KCNQ1: variants seen among roughly 807,000 people sequenced by gnomAD.
KCNQ1 encodes the protein potassium voltage-gated channel subfamily KQT member 1.
Under a neutral mutation model 72.4 loss-of-function variants are expected in KCNQ1, and 49 were observed. That is an observed-to-expected ratio of 0.68 (90% CI 0.54 to 0.86). The LOEUF is 0.86. Ranked by LOEUF, KCNQ1 falls within the 40% of genes least tolerant of loss-of-function variation. KCNQ1 has a pLI of 0.00. For synonymous variants in KCNQ1, 450 were observed against 412.6 expected (o/e 1.09, Z -1.10); for missense variants, 790 against 945.1 (o/e 0.84, Z 2.15).
rs1364891793 is a variant in KCNQ1 at position 2,772,266 on chromosome 11, G to T, written c.1590+3347G>T. ...ACCCCCGCTGGCCTCAGGGGCTGCT[G>T]ACATGGCAGGTGACCCCTCTGCCTA... On this transcript the variant is annotated intron_variant, in intron 12 of 15. Coordinates refer to ENST00000155840, the MANE Select transcript of KCNQ1 (RefSeq NM_000218.3). The surrounding 1 kb of genome is among the most constrained non-coding windows in gnomAD (Gnocchi z 6.6). Among the ~76,000 whole-genome samples the T allele has an allele frequency of 7.9e-5, 12 of 152,094 alleles. No individual in the cohort carries two copies. The highest frequency in any genetic ancestry group is 1.8e-4 in the Non-Finnish European group (12 of 67,994).
In KCNQ1 at chr11:2,683,044, T is replaced by C. The variant is rs1850424815; in HGVS notation, c.1514+20963T>C. ...CCTGAGAGAGGTGACCTTCTCCCAC[T>C]TCTTACAGGCAAGGCTCTTGCTAGC... On this transcript the variant is annotated intron_variant, in intron 11 of 15. Transcript: ENST00000155840. The surrounding 1 kb of genome is among the most constrained non-coding windows in gnomAD (Gnocchi z 4.7). The C allele has an allele frequency of 2.5e-6, 1 of 398,594 alleles. No individual in the cohort carries two copies. The highest frequency in any genetic ancestry group is 4.4e-6 in the Non-Finnish European group (1 of 226,130). 24.7% of individuals were successfully genotyped at this position (398,594 alleles called of 1,614,324 possible).
chr11:2,750,059 C>G lies in KCNQ1; in HGVS notation c.1515-18785C>G, dbSNP rs1846203915. On this transcript the variant is annotated intron_variant, in intron 11 of 15. Transcript: ENST00000155840. This position sits in a 1 kb window ranked among gnomAD's most constrained non-coding sequence, Gnocchi z 6.3. The stretch of plus-strand genomic sequence containing the variant: ...GGTGAGAGGGAGGGAGTGGGAACAG[C>G]CAAGAGGCCAGGAAGCGGAGCCTGG... Among the ~76,000 whole-genome samples the G allele has an allele frequency of 6.6e-6, 1 of 152,182 alleles. No individual in the cohort carries two copies. Among genetic ancestry groups the G allele is most frequent in the South Asian group, 2.1e-4 (1 of 4,812 alleles).
At chr11:2,751,061 G>A (rs1282236676) in intron 11 of KCNQ1, among the ~76,000 whole-genome samples, 1 of 152,146 alleles carries the variant, frequency 6.6e-6, no homozygotes, top group East Asian at 1.9e-4. Context: ...AGACCTGTAG[G>A]CCCTCTGCCC....
chr11:2,666,409 C>T, intron 11 of KCNQ1: 1 of 398,692 alleles, frequency 2.5e-6, no homozygotes, highest in Non-Finnish European at 4.4e-6. Context: ...GCAAAAACAG[C>T]CCCGTGTGCG....
rs1227670422 is a variant in KCNQ1, at chr11:2,826,920, GT to G, written c.1795-20846del. 6.6e-6 allele frequency among the ~76,000 whole-genome samples: 1 copy of G among 152,248 alleles called. No individual in the cohort carries two copies. Among genetic ancestry groups the G allele is most frequent in the Non-Finnish European group, 1.5e-5 (1 of 68,032 alleles). On this transcript the variant is annotated intron_variant, in intron 15 of 15. Transcript: ENST00000155840. The surrounding 1 kb of genome is among the most constrained non-coding windows in gnomAD (Gnocchi z 4.2). Reference sequence around the variant, plus strand: ...GACAGGGAGGAAGAAAGCCAGGCAGGTGGCCCATGAGCCGTGGAGTAGGTGG... The same window carrying G: ...GACAGGGAGGAAGAAAGCCAGGCAGGGGCCCATGAGCCGTGGAGTAGGTGG...
intron 11 of KCNQ1, chr11:2,686,137 T>G: frequency 2.5e-6 from 1 of 398,806 alleles, no homozygotes; most frequent in Non-Finnish European, 4.4e-6. Flanking sequence ...CTCGCCCCCT[T>G]GCTTCTGGGG....
Position 2,824,904 on chromosome 11 carries a change from A to C in KCNQ1, c.1795-22863A>C, listed in dbSNP as rs1363288872. Among the ~76,000 whole-genome samples, 1 of 152,214 alleles carries C rather than the reference A, an allele frequency of 6.6e-6. No homozygotes were observed. Among genetic ancestry groups the C allele is most frequent in the Non-Finnish European group, 1.5e-5 (1 of 68,040 alleles). On this transcript the variant is annotated intron_variant, in intron 15 of 15. Coordinates refer to ENST00000155840, the MANE Select transcript of KCNQ1 (RefSeq NM_000218.3). This position sits in a 1 kb window ranked among gnomAD's most constrained non-coding sequence, Gnocchi z 5.9. Reference sequence around the variant, plus strand: ...ACACGAGTTCCCCTGCCGGGCACAGAGCAGGTTCCCAGTGAGTTCTGGGGC... The same window carrying C: ...ACACGAGTTCCCCTGCCGGGCACAGCGCAGGTTCCCAGTGAGTTCTGGGGC...
intron 15 of KCNQ1, among the ~76,000 whole-genome samples, chr11:2,806,377 G>C (rs999429662): frequency 6.6e-6 from 1 of 152,206 alleles, no homozygotes; most frequent in South Asian, 2.1e-4. Flanking sequence ...TAGCCCCTCC[G>C]TAATTTGTCT....
In KCNQ1 at chr11:2,673,811, T is replaced by C. The variant is rs536721211; in HGVS notation, c.1514+11730T>C. On this transcript the variant is annotated intron_variant, in intron 11 of 15. Coordinates refer to ENST00000155840, the MANE Select transcript of KCNQ1 (RefSeq NM_000218.3). This position sits in a 1 kb window ranked among gnomAD's most constrained non-coding sequence, Gnocchi z 4.5. ...GCAAAGGGCAGTGATGGCCCTTCAA[T>C]CCCAGGCCCACAAGCACCACAGCCA... The C allele has an allele frequency of 2.7e-4, 107 of 398,506 alleles. No individual in the cohort carries two copies. The highest frequency in any genetic ancestry group is 3.9e-4 in the Non-Finnish European group (89 of 226,144). The allele number at this position is 398,506 out of a possible 1,614,324, so 24.7% of individuals were successfully genotyped here. A position where few individuals can be genotyped will look rare whatever the true frequency, so the allele number is the denominator to read the frequency against.
chr11:2,556,885 C>T (rs960675275), intron 2 of KCNQ1, among the ~76,000 whole-genome samples: 1 of 152,158 alleles, frequency 6.6e-6, no homozygotes, highest in African/African-American at 2.4e-5. Context: ...TGTGGCTCAA[C>T]TAAACAACCA....
intron 15 of KCNQ1, among the ~76,000 whole-genome samples, chr11:2,814,689 C>G (rs1353076129): frequency 6.6e-6 from 1 of 151,958 alleles, no homozygotes; most frequent in Non-Finnish European, 1.5e-5. Flanking sequence ...GGAGAGGGAG[C>G]AAGCAGGCTT....
At chr11:2,844,930 C>T (rs918795563) in intron 15 of KCNQ1, among the ~76,000 whole-genome samples, 2 of 152,218 alleles carry the variant, frequency 1.3e-5, no homozygotes, top group East Asian at 1.9e-4. Flanking sequence ...TACCAGTATG[C>T]GGGGCCCAGG....
At chr11:2,610,543 T>C (rs1362008852) in intron 10 of KCNQ1, 1 of 398,296 alleles carries the variant, frequency 2.5e-6, no homozygotes, top group African/African-American at 2.1e-5. Flanking sequence ...CTCTTTGCTT[T>C]TGGATATATG....
In KCNQ1 at chr11:2,587,638, C is replaced by T. The variant is rs756413033; in HGVS notation, c.1197C>T (p.Ala399=). 8 of 1,613,960 alleles carry T rather than the reference C, an allele frequency of 5.0e-6. No individual in the cohort carries two copies. Among genetic ancestry groups the T allele is most frequent in the South Asian group, 2.2e-5 (2 of 91,088 alleles). ...SSTWKIYIRK[A]PRSHTLLSPS... is the part of the protein sequence containing the mutation. ...CCTGGAAGATCTACATCCGGAAGGCCCCCCGGAGCCACACTCTGCTGTCAC... is the reference window on the plus strand; with the variant it reads ...CCTGGAAGATCTACATCCGGAAGGCTCCCCGGAGCCACACTCTGCTGTCAC... The change falls in exon 9 of 16, where the codon GCC becomes GCT. Residue 399 remains alanine (A), a synonymous_variant. Transcript: ENST00000155840.
rs980094749 is a variant in KCNQ1, at chr11:2,550,683, G to A, written c.478-19945G>A. On this transcript the variant is annotated intron_variant, in intron 2 of 15. Coordinates refer to ENST00000155840, the MANE Select transcript of KCNQ1 (RefSeq NM_000218.3). This position sits in a 1 kb window ranked among gnomAD's most constrained non-coding sequence, Gnocchi z 6.0. ...TGAGGGCCAACAGAGATGGTGTCCC[G>A]GCTGATGTAGGGTCAGGGGCTTCTG... is the stretch of plus-strand genomic sequence containing the variant. Among the ~76,000 whole-genome samples, 4 of 152,142 alleles carry A rather than the reference G, an allele frequency of 2.6e-5. No individual in the cohort carries two copies. The highest frequency in any genetic ancestry group is 3.9e-4 in the East Asian group (2 of 5,188).
At chr11:2,730,749 G>T (rs72844252) in intron 11 of KCNQ1, among the ~76,000 whole-genome samples, 13,793 of 152,270 alleles carry the variant, frequency 0.091, 739 homozygotes, top group Admixed American at 0.11. Context: ...GTCCAAGAGG[G>T]GCTGCCCCTG....
At position 2,848,362 on chromosome 11, in the gene KCNQ1, C is replaced by T; in HGVS notation, c.*359C>T. On this transcript the variant is annotated 3_prime_UTR_variant, in exon 16 of 16. Coordinates refer to ENST00000155840, the MANE Select transcript of KCNQ1 (RefSeq NM_000218.3). ...GTAGCACAGGCTGAGTGCAGGCCCA[C>T]CCTGCTTGGCCCAGGGGGCTTCCTG... 1.9e-6 allele frequency: 1 copy of T among 529,966 alleles called. No homozygotes were observed. The highest frequency in any genetic ancestry group is 3.6e-6 in the Non-Finnish European group (1 of 275,978). The allele number at this position is 529,966 out of a possible 1,614,324, so 32.8% of individuals were successfully genotyped here. A position where few individuals can be genotyped will look rare whatever the true frequency, so the allele number is the denominator to read the frequency against.
In KCNQ1 at chr11:2,690,493, C is replaced by CG. The variant is rs532400374; in HGVS notation, c.1514+28419dup. ...CCTGGGAACAGCCACTGGGCCCAGT[C>CG]GGGGGGGTCTCAGCACCTATCACAA... On this transcript the variant is annotated intron_variant, in intron 11 of 15. Transcript: ENST00000155840. This position sits in a 1 kb window ranked among gnomAD's most constrained non-coding sequence, Gnocchi z 5.1. 4.3e-5 allele frequency: 17 copies of CG among 398,336 alleles called. No homozygotes were observed. The highest frequency in any genetic ancestry group is 1.2e-4 in the African/African-American group (6 of 48,564). 24.7% of individuals were successfully genotyped at this position (398,336 alleles called of 1,614,324 possible). A position where few individuals can be genotyped will look rare whatever the true frequency, so the allele number is the denominator to read the frequency against.
chr11:2,523,168 C>T (rs1468619868), intron 1 of KCNQ1, among the ~76,000 whole-genome samples: 1 of 152,086 alleles, frequency 6.6e-6, no homozygotes, highest in East Asian at 1.9e-4. Context: ...AACCAGCATC[C>T]ATCACTGCTT....
Sources: allele counts gnomAD v4.1 joint callset (sites outside exome capture counted in the v4.1 genomes callset), GRCh38; gene constraint gnomAD v4.1.1; non-coding constraint Gnocchi (gnomAD v3.1); transcripts MANE v1.5; gene names NCBI Gene and HGNC (gene_info 2026-07-23, HGNC 2026-07-21).